The following SMPD3 variants were observed in gnomAD, a reference collection of about 807,000 sequenced individuals.
SMPD3 encodes sphingomyelin phosphodiesterase 3.
A neutral mutation model predicts 55.7 loss-of-function variants in SMPD3; 21 were observed. The ratio of observed to expected loss-of-function variants is 0.38; its 90% CI spans 0.27 to 0.54. The LOEUF (loss-of-function observed/expected upper bound fraction) is 0.54, where lower values mean the gene tolerates loss of function less well. Ranked by LOEUF, SMPD3 falls within the 20% of genes least tolerant of loss-of-function variation. The probability of loss-of-function intolerance (pLI) is 0.80; values close to 1 mark genes in which losing one functional copy is unlikely to be tolerated. For synonymous variants in SMPD3, 457 were observed against 404.3 expected (o/e 1.13, Z -1.56); for missense variants, 842 against 899.6 (o/e 0.94, Z 0.82).
chr16:68,371,102 C>G lies in SMPD3; in HGVS notation c.1080G>C (p.Leu360=). ...SAFFPANLDF[L]CLQEVFDKRA... ...GCTTGTCAAACACCTCCTGCAGGCA[C>G]AGGAAGTCCAGGTTGGCGGGGAAGA... Residue 360 remains leucine, a synonymous_variant, in exon 3 of 9, where the codon CTG becomes CTC. Coordinates refer to ENST00000219334, the MANE Select transcript of SMPD3 (RefSeq NM_018667.4). 1 of 1,614,134 alleles carries G rather than the reference C, an allele frequency of 6.2e-7. No individual in the cohort carries two copies. Among genetic ancestry groups the G allele is most frequent in the Non-Finnish European group, 8.5e-7 (1 of 1,180,038 alleles).
chr16:68,397,801 C>T (rs892135221), intron 1 of SMPD3, among the ~76,000 whole-genome samples: 1 of 152,118 alleles, frequency 6.6e-6, no homozygotes, highest in Non-Finnish European at 1.5e-5. Flanking sequence ...GGAAGCCTTC[C>T]CCCCTCCCCT....
intron 5 of SMPD3, among the ~76,000 whole-genome samples, chr16:68,364,236 C>T (rs757129494): frequency 1.2e-4 from 18 of 152,206 alleles, no homozygotes; most frequent in Non-Finnish European, 1.9e-4. Flanking sequence ...AGCTTGTAGT[C>T]TTTCACCCTA....
rs1386472136 is a variant in SMPD3, at chr16:68,360,283, AATAG to A, written c.*919_*922del. On this transcript the variant is annotated 3_prime_UTR_variant, in exon 9 of 9. Coordinates refer to ENST00000219334, the MANE Select transcript of SMPD3 (RefSeq NM_018667.4). Reference sequence around the variant, plus strand: ...TGGTTTTGATAGAAGAGAAGCTACAAATAGATTATTTTCAAAATCAGGATCCCCC... The same window carrying A: ...TGGTTTTGATAGAAGAGAAGCTACAAATTATTTTCAAAATCAGGATCCCCC... 6.6e-6 allele frequency: 1 copy of A among 152,414 alleles called. No homozygotes were observed. Among genetic ancestry groups the A allele is most frequent in the African/African-American group, 2.4e-5 (1 of 41,460 alleles). The allele number at this position is 152,414 out of a possible 1,614,324, so 9.4% of individuals were successfully genotyped here. A position where few individuals can be genotyped will look rare whatever the true frequency, so the allele number is the denominator to read the frequency against.
chr16:68,361,502 G>T, intron 8 of SMPD3, 101 bp downstream of exon 8: 1 of 1,509,934 alleles, frequency 6.6e-7, no homozygotes, highest in Non-Finnish European at 9.0e-7. Context: ...TGTAAGAGTG[G>T]CCTGGGGCGT....
intron 1 of SMPD3, among the ~76,000 whole-genome samples, chr16:68,400,102 TCTGA>T (rs2090193286): frequency 6.6e-6 from 1 of 152,244 alleles, no homozygotes; most frequent in African/African-American, 2.4e-5. Context: ...CCCAGGTCTG[TCTGA>T]CTCTAAAACC....
At chr16:68,379,350 A>G (rs1248335836) in intron 2 of SMPD3, among the ~76,000 whole-genome samples, 1 of 152,240 alleles carries the variant, frequency 6.6e-6, no homozygotes, top group Non-Finnish European at 1.5e-5. Context: ...ACTGTGCCTT[A>G]GTTTCCTCAC....
intron 3 of SMPD3, among the ~76,000 whole-genome samples, chr16:68,366,087 G>A (rs1009315268): frequency 6.6e-6 from 1 of 152,174 alleles, no homozygotes; most frequent in Non-Finnish European, 1.5e-5. Flanking sequence ...CCCAAGATGA[G>A]GAGACCCCAG....
At chr16:68,384,292 C>G (rs968333953) in intron 2 of SMPD3, among the ~76,000 whole-genome samples, 11 of 152,358 alleles carry the variant, frequency 7.2e-5, no homozygotes, top group Middle Eastern at 6.8e-3. Context: ...GTTCAAGATT[C>G]ACAGAGAAGA....
intron 1 of SMPD3, among the ~76,000 whole-genome samples, chr16:68,436,856 C>T (rs1345914657): frequency 6.6e-6 from 1 of 152,168 alleles, no homozygotes; most frequent in Non-Finnish European, 1.5e-5. Context: ...GCAAATCATC[C>T]TCACCGACTG....
chr16:68,427,974 G>T (rs1355639383), intron 1 of SMPD3, among the ~76,000 whole-genome samples: 1 of 152,064 alleles, frequency 6.6e-6, no homozygotes, highest in Non-Finnish European at 1.5e-5. Flanking sequence ...TTCAGAGAGG[G>T]GAGGGTCTCA....
chr16:68,418,596 C>T (rs1481327512), intron 1 of SMPD3, among the ~76,000 whole-genome samples: 1 of 152,198 alleles, frequency 6.6e-6, no homozygotes, highest in Non-Finnish European at 1.5e-5. Flanking sequence ...ATGTTGACAT[C>T]ACATCCCCCT....
At chr16:68,386,160 T>A (rs2152001073) in intron 2 of SMPD3, among the ~76,000 whole-genome samples, 1 of 151,116 alleles carries the variant, frequency 6.6e-6, no homozygotes. Context: ...AAGTAGAGAT[T>A]GCAGTGAGCT....
intron 1 of SMPD3, among the ~76,000 whole-genome samples, chr16:68,430,249 C>A (rs74371953): frequency 5.9e-4 from 89 of 151,840 alleles, no homozygotes; most frequent in African/African-American, 2.1e-3. Flanking sequence ...GTTTCTCTTT[C>A]TCCTTAATAA....
chr16:68,395,711 A>G (rs1341355833), intron 1 of SMPD3, among the ~76,000 whole-genome samples: 1 of 152,272 alleles, frequency 6.6e-6, no homozygotes, highest in Admixed American at 6.5e-5. Flanking sequence ...ACTGTCTTAA[A>G]AAAATACATC....
At chr16:68,445,876 G>T (rs900491335) in intron 1 of SMPD3, among the ~76,000 whole-genome samples, 1 of 152,198 alleles carries the variant, frequency 6.6e-6, no homozygotes, top group Admixed American at 6.5e-5. Flanking sequence ...GGGAGGGCAG[G>T]TCTGGGAGGG....
In SMPD3 at chr16:68,371,886, C is replaced by T. The variant is rs988478297; in HGVS notation, c.296G>A (p.Arg99Gln). Residue 99 changes from arginine (R) to glutamine (Q), a missense_variant, in exon 3 of 9, where the codon CGG (arginine) becomes CAG (glutamine). Around this residue, in one of 2 missense-constraint regions of SMPD3, gnomAD observed 193 missense variants for 256.0 expected, o/e 0.75. Transcript: ENST00000219334. ...ACCGGCCAGGCCCTTGTCTTCCAGC[C>T]GTGAATAGATGTAGGGCCGGCGGGC... ...QSARRPYIYS[R>Q]LEDKGLAGGA... is the part of the protein sequence containing the mutation. The T allele has an allele frequency of 2.3e-5, 37 of 1,610,112 alleles. No individual in the cohort carries two copies. The highest frequency in any genetic ancestry group is 3.4e-5 in the Admixed American group (2 of 59,532).
Position 68,363,489 on chromosome 16 carries a change from T to C in SMPD3, c.1709+7A>G, listed in dbSNP as rs781696121. 2 of 1,613,998 alleles carry C rather than the reference T, an allele frequency of 1.2e-6. No homozygotes were observed. The highest frequency in any genetic ancestry group is 2.2e-5 in the East Asian group (1 of 44,884). On this transcript the variant is annotated splice_region_variant and intron_variant, in intron 7 of 8. Transcript: ENST00000219334. ...CCTCGTCCCTGGCCTGGGAGCGCAG[T>C]GCTTACTTCTGCAGGTTGTCGGGGG...
intron 2 of SMPD3, among the ~76,000 whole-genome samples, chr16:68,382,702 A>T (rs2089974803): frequency 6.6e-6 from 1 of 152,116 alleles, no homozygotes; most frequent in Non-Finnish European, 1.5e-5. Context: ...GCCTTTGAGG[A>T]CCATAATGAC....
intron 1 of SMPD3, among the ~76,000 whole-genome samples, chr16:68,392,162 G>T (rs905012664): frequency 6.6e-6 from 1 of 152,210 alleles, no homozygotes; most frequent in Admixed American, 6.5e-5. Flanking sequence ...AGAGTGCTGG[G>T]ATTACAAGCA....
Sources: gnomAD v4.1 joint callset for allele counts (sites outside exome capture counted in the v4.1 genomes callset) on GRCh38, gnomAD v4.1.1 for gene constraint, gnomAD v4.1.1 regional missense constraint, MANE v1.5 for transcripts, NCBI Gene and HGNC (gene_info 2026-07-23, HGNC 2026-07-21) for gene names.